The following CFAP61 variants were observed in gnomAD, a reference collection of about 807,000 sequenced individuals.
CFAP61 encodes the protein cilia and flagella associated protein 61.
Under a neutral mutation model 135.6 loss-of-function variants are expected in CFAP61, and 107 were observed. The observed-to-expected ratio is 0.79, with a 90% CI of 0.67 to 0.93. The LOEUF is 0.93. CFAP61 is among the 40% of genes least tolerant of loss of function. CFAP61 has a pLI of 0.00. For missense variants in CFAP61, 1,507 were observed against 1,556.2 expected (o/e 0.97, Z 0.53); for synonymous variants, 575 against 578.5 (o/e 0.99, Z 0.09).
chr20:20,196,909 T>C, intron 16 of CFAP61, 133 bp downstream of exon 16: 2 of 771,828 alleles, frequency 2.6e-6, no homozygotes, highest in South Asian at 3.5e-5. Context: ...CCAATGGCCA[T>C]ATTTAGTTTG....
chr20:20,251,973 A>C (rs1451925267), intron 20 of CFAP61, among the ~76,000 whole-genome samples: 1 of 152,178 alleles, frequency 6.6e-6, no homozygotes, highest in African/African-American at 2.4e-5. Flanking sequence ...TCCAAGAAAA[A>C]CATTCTGCTC....
intron 4 of CFAP61, among the ~76,000 whole-genome samples, chr20:20,074,826 C>T (rs2045945064): frequency 6.6e-6 from 1 of 152,150 alleles, no homozygotes; most frequent in Non-Finnish European, 1.5e-5. Flanking sequence ...ACAGCCTGCA[C>T]AGACATTTGG....
At chr20:20,305,697 G>T (rs934044693) in intron 25 of CFAP61, among the ~76,000 whole-genome samples, 2 of 152,130 alleles carry the variant, frequency 1.3e-5, no homozygotes, top group African/African-American at 4.8e-5. Flanking sequence ...GACCAGCCTC[G>T]CAAAGAATCC....
chr20:20,166,703 G>T (rs1177913715), intron 12 of CFAP61, among the ~76,000 whole-genome samples: 6 of 151,570 alleles, frequency 4.0e-5, no homozygotes, highest in Non-Finnish European at 8.8e-5. Context: ...ATCATTCATA[G>T]TAATACATGA....
chr20:20,132,930 G>C lies in CFAP61; in HGVS notation c.860-9927G>C, dbSNP rs561012282. 5.1e-4 allele frequency among the ~76,000 whole-genome samples: 78 copies of C among 151,950 alleles called. 1 individual carries two copies. Among genetic ancestry groups the C allele is most frequent in the South Asian group, 1.2e-3 (6 of 4,808 alleles). On this transcript the variant is annotated intron_variant, in intron 8 of 26. Coordinates refer to ENST00000245957, the MANE Select transcript of CFAP61 (RefSeq NM_015585.4). ...AACAGCATTGAGTTTGGTAGGCTTT[G>C]TTTTTAATCTAGTGTCATAATTATT...
In CFAP61 at chr20:20,341,845, C is replaced by T. The variant is rs190350860; in HGVS notation, c.3437C>T (p.Pro1146Leu). ...ITDLYSYFTE[P>L]WCLALFHDRF... The stretch of plus-strand genomic sequence containing the variant: ...TTCCTTACCAGCTACTTCACCGAGC[C>T]GTGGTGCCTGGCCCTGTTCCACGAT... Residue 1146 changes from proline (P) to leucine (L), a missense_variant, in exon 26 of 27, where the codon CCG becomes CTG. By Grantham distance (98) the Pro-to-Leu change is moderately conservative. Coordinates refer to ENST00000245957, the MANE Select transcript of CFAP61 (RefSeq NM_015585.4). 1.1e-4 allele frequency: 175 copies of T among 1,613,408 alleles called. No individual in the cohort carries two copies. In the Middle Eastern group the frequency reaches 1.2e-3, roughly 11 times the overall value.
rs1233062832 is a variant in CFAP61 at position 20,075,477 on chromosome 20, T to C, written c.440-12T>C. On this transcript the variant is annotated splice_polypyrimidine_tract_variant and intron_variant, in intron 5 of 26. Transcript: ENST00000245957. ...ATAAATAAGGACATGTTTCTTTATC[T>C]CTGTGATTTAGGCTCAACTCTCATA... The C allele has an allele frequency of 6.2e-7, 1 of 1,613,698 alleles. No homozygotes were observed. The highest frequency in any genetic ancestry group is 2.2e-5 in the East Asian group (1 of 44,886).
chr20:20,212,919 A>G (rs2047758146), intron 17 of CFAP61, among the ~76,000 whole-genome samples: 1 of 151,830 alleles, frequency 6.6e-6, no homozygotes, highest in Non-Finnish European at 1.5e-5. Context: ...CTTGTGTTCT[A>G]GTTGGAGCAG....
At chr20:20,357,426 G>A in intron 26 of CFAP61, among the ~76,000 whole-genome samples, 1 of 54,866 alleles carries the variant, frequency 1.8e-5, no homozygotes, top group Admixed American at 1.8e-4. Context: ...GAGGGGAGGT[G>A]GTCACACTGA....
At chr20:20,084,206 A>G (rs1180308877) in intron 6 of CFAP61, among the ~76,000 whole-genome samples, 1 of 151,712 alleles carries the variant, frequency 6.6e-6, no homozygotes, top group Non-Finnish European at 1.5e-5. Flanking sequence ...TTCTTAATTC[A>G]CTGGTTTCTT....
intron 12 of CFAP61, among the ~76,000 whole-genome samples, chr20:20,167,933 G>C (rs896059771): frequency 1.3e-5 from 2 of 152,138 alleles, no homozygotes; most frequent in Non-Finnish European, 2.9e-5. Flanking sequence ...AGGCAGCTGC[G>C]TGAAGCTCAG....
At chr20:20,184,382 A>G (rs1430650706) in intron 13 of CFAP61, among the ~76,000 whole-genome samples, 1 of 152,208 alleles carries the variant, frequency 6.6e-6, no homozygotes, top group Admixed American at 6.5e-5. Context: ...GAGCAAATAG[A>G]CCAACACTGC....
intron 8 of CFAP61, among the ~76,000 whole-genome samples, chr20:20,109,976 G>A (rs1454376329): frequency 1.3e-5 from 2 of 150,552 alleles, no homozygotes; most frequent in African/African-American, 2.4e-5. Flanking sequence ...GCGCAATCTC[G>A]GCTCACTGCA....
At chr20:20,187,898 T>C in intron 13 of CFAP61, 32 bp from the exon 14 acceptor site, 1 of 1,576,254 alleles carries the variant, frequency 6.3e-7, no homozygotes, top group South Asian at 1.1e-5. Context: ...TTTAGTACTT[T>C]AACTTAAAAA....
intron 8 of CFAP61, among the ~76,000 whole-genome samples, chr20:20,123,789 G>A (rs1162315634): frequency 6.6e-6 from 1 of 151,468 alleles, no homozygotes; most frequent in African/African-American, 2.4e-5. Context: ...TATTTTGATG[G>A]GGATTGCATT....
chr20:20,076,724 T>G (rs2046075171), intron 6 of CFAP61, among the ~76,000 whole-genome samples: 1 of 152,190 alleles, frequency 6.6e-6, no homozygotes, highest in African/African-American at 2.4e-5. Context: ...TTTAAAAACT[T>G]TATAAAAGTA....
At chr20:20,055,122 C>T (rs1367783521) in intron 1 of CFAP61, among the ~76,000 whole-genome samples, 1 of 152,118 alleles carries the variant, frequency 6.6e-6, no homozygotes, top group Admixed American at 6.5e-5. Flanking sequence ...TTAATAACCA[C>T]GTATTTCATT....
chr20:20,265,659 C>G, intron 21 of CFAP61: 3 of 620,662 alleles, frequency 4.8e-6, no homozygotes, highest in Non-Finnish European at 8.7e-6. Context: ...TAATGACTCC[C>G]CCAGGCACCT....
intron 8 of CFAP61, among the ~76,000 whole-genome samples, chr20:20,103,098 G>A (rs183644551): frequency 6.6e-6 from 1 of 152,238 alleles, no homozygotes; most frequent in African/African-American, 2.4e-5. Flanking sequence ...TTGTTTATGT[G>A]CTTATTCCAT....
Sources: gnomAD v4.1 joint callset for allele counts (sites outside exome capture counted in the v4.1 genomes callset) on GRCh38, gnomAD v4.1.1 for gene constraint, MANE v1.5 for transcripts, NCBI Gene and HGNC (gene_info 2026-07-23, HGNC 2026-07-21) for gene names.